Variants in TRDN observed in about 807,000 individuals in gnomAD.
The protein encoded by TRDN is triadin in skeletal muscle.
In TRDN, 161 loss-of-function variants were observed where a neutral mutation model predicts 149.7. That is an observed-to-expected ratio of 1.08 (90% CI 0.95 to 1.23). TRDN has a LOEUF of 1.23. TRDN is among the 50% of genes most tolerant of loss of function. TRDN has a pLI of 0.00. For synonymous variants in TRDN, 294 were observed against 250.5 expected, an observed-to-expected ratio of 1.17 and a Z score of -1.64; for missense variants, 896 against 823.5, an observed-to-expected ratio of 1.09 and a Z score of -1.08.
chr6:123,467,903 C>G (rs934501334), intron 9 of TRDN, among the ~76,000 whole-genome samples: 1 of 152,042 alleles, frequency 6.6e-6, no homozygotes, highest in South Asian at 2.1e-4. Context: ...GGGTATTAAG[C>G]GATAGCTTCA....
intron 24 of TRDN, among the ~76,000 whole-genome samples, chr6:123,286,329 T>C (rs1054325256): frequency 2.0e-5 from 3 of 152,014 alleles, no homozygotes; most frequent in Non-Finnish European, 4.4e-5. Flanking sequence ...TCGGGCATGG[T>C]GGAATACTAC....
chr6:123,489,958 C>T (rs568614726), intron 9 of TRDN, among the ~76,000 whole-genome samples: 23 of 151,622 alleles, frequency 1.5e-4, no homozygotes, highest in Non-Finnish European at 3.2e-4. Flanking sequence ...TTATTTTTTC[C>T]ATCCATAACT....
At chr6:123,616,261 G>A (rs2114695825) in intron 1 of TRDN, among the ~76,000 whole-genome samples, 1 of 152,130 alleles carries the variant, frequency 6.6e-6, no homozygotes, top group African/African-American at 2.4e-5. Context: ...GAGCCCAGGA[G>A]TTTGAGATGC....
intron 10 of TRDN, among the ~76,000 whole-genome samples, chr6:123,442,548 AAAAAAAAAAAAAAG>A (rs1389319567): frequency 3.2e-5 from 3 of 93,156 alleles, no homozygotes; most frequent in Non-Finnish European, 6.2e-5. Flanking sequence ...TCCGTCTCAA[AAAAAAAAAAAAAAG>A]AAAAAAAAAA....
intron 24 of TRDN, among the ~76,000 whole-genome samples, chr6:123,294,325 C>T (rs1778115193): frequency 6.6e-6 from 1 of 152,140 alleles, no homozygotes; most frequent in African/African-American, 2.4e-5. Context: ...TTTACCTCTC[C>T]TAGGAACTTG....
At chr6:123,528,886 T>C (rs2114328310) in intron 5 of TRDN, 2 of 1,033,454 alleles carry the variant, frequency 1.9e-6, no homozygotes, top group East Asian at 7.7e-5. Context: ...TCTTAAGAAA[T>C]AGTTACTTTT....
intron 38 of TRDN, among the ~76,000 whole-genome samples, chr6:123,238,668 G>A (rs1039955841): frequency 2.0e-5 from 3 of 151,678 alleles, no homozygotes; most frequent in East Asian, 1.9e-4. Context: ...AGTATACAAC[G>A]TAAAATAAAA....
chr6:123,393,315 T>C (rs933265396), intron 13 of TRDN, among the ~76,000 whole-genome samples: 5 of 152,090 alleles, frequency 3.3e-5, no homozygotes, highest in Non-Finnish European at 7.4e-5. Flanking sequence ...ATATCTGTAT[T>C]TGTATTTCTT....
intron 29 of TRDN, among the ~76,000 whole-genome samples, chr6:123,272,106 T>G (rs919813885): frequency 6.6e-6 from 1 of 151,928 alleles, no homozygotes; most frequent in South Asian, 2.1e-4. Context: ...TGTATCACAG[T>G]TTTTTTAAAA....
At position 123,512,292 on chromosome 6, in the gene TRDN, T is replaced by G. The variant is rs762291254; in HGVS notation, c.610+11A>C. 2 of 1,399,878 alleles carry G rather than the reference T, an allele frequency of 1.4e-6. No individual in the cohort carries two copies. Among genetic ancestry groups the G allele is most frequent in the Admixed American group, 2.0e-5 (1 of 48,932 alleles). The allele number at this position is 1,399,878 out of a possible 1,614,324, so 86.7% of individuals were successfully genotyped here. A position where few individuals can be genotyped will look rare whatever the true frequency, so the allele number is the denominator to read the frequency against. On this transcript the variant is annotated intron_variant, in intron 7 of 40. Transcript: ENST00000334268. ...GAATTTAGTTATGGAAATAATAAAT[T>G]GAAAAGTTACCTTTCGCCAGTGTCT...
chr6:123,336,270 C>T (rs1403662166), intron 22 of TRDN, among the ~76,000 whole-genome samples: 1 of 151,988 alleles, frequency 6.6e-6, no homozygotes, highest in Non-Finnish European at 1.5e-5. Flanking sequence ...TGACTCTTAC[C>T]TTTCCCTATT....
intron 5 of TRDN, among the ~76,000 whole-genome samples, chr6:123,519,777 T>A (rs1779589840): frequency 6.6e-6 from 1 of 152,046 alleles, no homozygotes; most frequent in African/African-American, 2.4e-5. Context: ...ATCTTTTCAT[T>A]ATTAACAGAA....
intron 2 of TRDN, among the ~76,000 whole-genome samples, chr6:123,558,661 C>T (rs910574858): frequency 6.6e-6 from 1 of 152,180 alleles, no homozygotes; most frequent in Non-Finnish European, 1.5e-5. Context: ...CCAATCTGCT[C>T]CCGACATTAA....
chr6:123,324,393 G>C (rs1779364632), intron 23 of TRDN, among the ~76,000 whole-genome samples: 2 of 151,960 alleles, frequency 1.3e-5, no homozygotes, highest in Non-Finnish European at 1.5e-5. Flanking sequence ...GGCAGGAGGA[G>C]CTCTTGAGCC....
At chr6:123,272,432 C>CT (rs1158947432) in intron 29 of TRDN, among the ~76,000 whole-genome samples, 1 of 151,144 alleles carries the variant, frequency 6.6e-6, no homozygotes, top group Non-Finnish European at 1.5e-5. Context: ...AATTATGTAT[C>CT]TTTTTTTTAC....
At chr6:123,384,242 T>C (rs1781824581) in intron 14 of TRDN, among the ~76,000 whole-genome samples, 1 of 152,140 alleles carries the variant, frequency 6.6e-6, no homozygotes, top group African/African-American at 2.4e-5. Flanking sequence ...ATAAGAATCT[T>C]ATAACACAAC....
chr6:123,505,441 C>G (rs952658809), intron 7 of TRDN, among the ~76,000 whole-genome samples: 5 of 151,958 alleles, frequency 3.3e-5, no homozygotes, highest in Non-Finnish European at 7.4e-5. Context: ...ACTTAATTGA[C>G]TACGCCAGCA....
At chr6:123,298,135 CA>C (rs1237653832) in intron 24 of TRDN, among the ~76,000 whole-genome samples, 1 of 151,972 alleles carries the variant, frequency 6.6e-6, no homozygotes, top group East Asian at 1.9e-4. Flanking sequence ...TTGAGCATTA[CA>C]AATAGTACAT....
intron 19 of TRDN, among the ~76,000 whole-genome samples, chr6:123,368,903 T>C (rs999084268): frequency 7.2e-5 from 11 of 152,206 alleles, no homozygotes; most frequent in African/African-American, 2.7e-4. Context: ...TATGCATAAA[T>C]GAGCCATAGT....
Sources: allele counts gnomAD v4.1 joint callset (sites outside exome capture counted in the v4.1 genomes callset), GRCh38; gene constraint gnomAD v4.1.1; transcripts MANE v1.5; gene names NCBI Gene and HGNC (gene_info 2026-07-23, HGNC 2026-07-21).